The following RAPGEF5 variants were observed in gnomAD, a reference collection of about 807,000 sequenced individuals.
RAPGEF5 encodes the protein M-Ras-regulated GEF.
A neutral mutation model predicts 125.2 loss-of-function variants in RAPGEF5; 65 were observed. The ratio of observed to expected loss-of-function variants is 0.52; its 90% CI spans 0.43 to 0.64. The LOEUF (loss-of-function observed/expected upper bound fraction) is 0.64, where lower values mean the gene tolerates loss of function less well. RAPGEF5 is among the 30% of genes least tolerant of loss of function. The pLI is 0.00. For synonymous variants in RAPGEF5, 391 were observed against 385.9 expected (o/e 1.01, Z -0.16); for missense variants, 958 against 1,048.1 (o/e 0.91, Z 1.19).
At chr7:22,302,937 G>A (rs1051268485) in intron 5 of RAPGEF5, among the ~76,000 whole-genome samples, 1 of 152,086 alleles carries the variant, frequency 6.6e-6, no homozygotes, top group East Asian at 1.9e-4. Context: ...CAGCATAAAT[G>A]TTAACTATTG....
chr7:22,276,865 T>C (rs1362128609), intron 6 of RAPGEF5, among the ~76,000 whole-genome samples: 3 of 152,226 alleles, frequency 2.0e-5, no homozygotes, highest in African/African-American at 7.2e-5. Flanking sequence ...ATTTGAGTGT[T>C]ATCTATTATC....
At chr7:22,166,985 A>C in intron 12 of RAPGEF5, 85 bp downstream of exon 12, 1 of 1,099,324 alleles carries the variant, frequency 9.1e-7, no homozygotes, top group Non-Finnish European at 1.4e-6. Context: ...GGGGTTGAAT[A>C]AATTAAGGAA....
intron 14 of RAPGEF5, among the ~76,000 whole-genome samples, chr7:22,159,281 G>A (rs906806371): frequency 5.3e-5 from 8 of 152,216 alleles, no homozygotes; most frequent in Non-Finnish European, 8.8e-5. Flanking sequence ...CTAAGGTACA[G>A]TGCTAACTTG....
At chr7:22,304,634 G>A (rs1783290609) in intron 5 of RAPGEF5, among the ~76,000 whole-genome samples, 1 of 152,202 alleles carries the variant, frequency 6.6e-6, no homozygotes, top group African/African-American at 2.4e-5. Flanking sequence ...CCATGCCCCA[G>A]TGAATCTGGG....
intron 1 of RAPGEF5, among the ~76,000 whole-genome samples, chr7:22,344,086 C>CCCTCTACCTTCA (rs1353164147): frequency 6.6e-6 from 1 of 152,156 alleles, no homozygotes; most frequent in Non-Finnish European, 1.5e-5. Context: ...CCCCTCAGGA[C>CCCTCTACCTTCA]CCTCTACGGT....
chr7:22,153,579 T>C (rs527974184), intron 17 of RAPGEF5, among the ~76,000 whole-genome samples: 1 of 152,276 alleles, frequency 6.6e-6, no homozygotes, highest in East Asian at 1.9e-4. Flanking sequence ...AGGAACAAGA[T>C]ACTTTACCCT....
At chr7:22,178,226 A>G (rs1026249726) in intron 11 of RAPGEF5, among the ~76,000 whole-genome samples, 1 of 152,184 alleles carries the variant, frequency 6.6e-6, no homozygotes, top group African/African-American at 2.4e-5. Context: ...AACTAAAAAA[A>G]TTGTTTACAA....
chr7:22,221,548 G>A (rs1410187494), intron 8 of RAPGEF5, among the ~76,000 whole-genome samples: 1 of 152,132 alleles, frequency 6.6e-6, no homozygotes, highest in Non-Finnish European at 1.5e-5. Flanking sequence ...CACATGTTGT[G>A]GGAGGAACCA....
intron 10 of RAPGEF5, chr7:22,193,706 C>T (rs907779831): frequency 6.4e-7 from 1 of 1,552,150 alleles, no homozygotes; most frequent in Admixed American, 2.0e-5. Flanking sequence ...GCTAAAAGAT[C>T]TTGCCATCCC....
intron 8 of RAPGEF5, among the ~76,000 whole-genome samples, chr7:22,225,856 G>A (rs1785904555): frequency 6.6e-6 from 1 of 152,200 alleles, no homozygotes; most frequent in Non-Finnish European, 1.5e-5. Flanking sequence ...TCTCCATAAT[G>A]TATAATTAAA....
At chr7:22,345,678 T>C (rs1180794730) in intron 1 of RAPGEF5, among the ~76,000 whole-genome samples, 1 of 149,770 alleles carries the variant, frequency 6.7e-6, no homozygotes, top group Non-Finnish European at 1.5e-5. Flanking sequence ...CAAGGTAGAT[T>C]AGAACATGTC....
intron 7 of RAPGEF5, among the ~76,000 whole-genome samples, chr7:22,234,036 C>T (rs751212617): frequency 2.0e-5 from 3 of 152,004 alleles, no homozygotes; most frequent in African/African-American, 7.2e-5. Context: ...GAGAAGACAG[C>T]GTAAATAACA....
At chr7:22,258,029 T>C (rs1019512021) in intron 7 of RAPGEF5, among the ~76,000 whole-genome samples, 1 of 152,206 alleles carries the variant, frequency 6.6e-6, no homozygotes, top group African/African-American at 2.4e-5. Context: ...GATGATGAAT[T>C]TGTCCATGTG....
rs1343534252 is a variant in RAPGEF5, at chr7:22,121,316, C to T, written c.*1090G>A. 2 of 151,078 alleles carry T rather than the reference C, an allele frequency of 1.3e-5. No individual in the cohort carries two copies. The highest frequency in any genetic ancestry group is 6.6e-5 in the Admixed American group (1 of 15,188). 9.4% of individuals were successfully genotyped at this position (151,078 alleles called of 1,614,324 possible). A position where few individuals can be genotyped will look rare whatever the true frequency, so the allele number is the denominator to read the frequency against. The stretch of plus-strand genomic sequence containing the variant: ...GGACTTCTAAGTTGCCAACATTAAT[C>T]AGACATTTGGCTATTTCAGGGCATT... On this transcript the variant is annotated 3_prime_UTR_variant, in exon 26 of 26. Coordinates refer to ENST00000665637, the MANE Select transcript of RAPGEF5 (RefSeq NM_012294.5).
At chr7:22,294,528 C>T (rs1783014963) in intron 5 of RAPGEF5, among the ~76,000 whole-genome samples, 1 of 152,190 alleles carries the variant, frequency 6.6e-6, no homozygotes. Context: ...AACCATCAAA[C>T]TGGATGCATT....
intron 14 of RAPGEF5, among the ~76,000 whole-genome samples, chr7:22,159,293 A>G (rs1385872685): frequency 6.6e-6 from 1 of 152,244 alleles, no homozygotes; most frequent in Non-Finnish European, 1.5e-5. Flanking sequence ...GCTAACTTGC[A>G]CTTTACTTTT....
chr7:22,331,502 T>C (rs1289429291), intron 1 of RAPGEF5, among the ~76,000 whole-genome samples: 4 of 151,908 alleles, frequency 2.6e-5, no homozygotes, highest in African/African-American at 4.8e-5. Context: ...TCCCAGCACT[T>C]TGGGAGGCCG....
intron 11 of RAPGEF5, 28 bp downstream of exon 11, chr7:22,193,339 T>C (rs1197381872): frequency 2.6e-6 from 4 of 1,558,688 alleles, no homozygotes; most frequent in South Asian, 1.2e-5. Flanking sequence ...GCTATCAGTC[T>C]GGAAGCATGA....
chr7:22,125,455 G>C, intron 25 of RAPGEF5, 149 bp downstream of exon 25: 1 of 670,166 alleles, frequency 1.5e-6, no homozygotes, highest in South Asian at 2.0e-5. Context: ...GAAACAAAGA[G>C]ACAATCTACT....
Sources: gnomAD v4.1 joint callset for allele counts (sites outside exome capture counted in the v4.1 genomes callset) on GRCh38, gnomAD v4.1.1 for gene constraint, MANE v1.5 for transcripts, NCBI Gene and HGNC (gene_info 2026-07-23, HGNC 2026-07-21) for gene names.